YJU2: variants seen among roughly 807,000 people sequenced by gnomAD.
YJU2 encodes splicing factor YJU2.
In YJU2, 28 loss-of-function variants were observed where a neutral mutation model predicts 39.6. The observed-to-expected ratio is 0.71, with a 90% confidence interval of 0.52 to 0.97. The LOEUF (loss-of-function observed/expected upper bound fraction) is 0.97. YJU2 is among the 50% of genes least tolerant of loss of function. The probability of loss-of-function intolerance (pLI) is 0.00; values close to 1 mark genes in which losing one functional copy is unlikely to be tolerated. For missense variants in YJU2, 328 were observed against 430.4 expected (o/e 0.76, Z 2.11); for synonymous variants, 184 against 182.4 (o/e 1.01, Z -0.07).
chr19:4,247,588 T>G (rs1310965991), intron 1 of YJU2, among the ~76,000 whole-genome samples: 5 of 27,316 alleles, frequency 1.8e-4, no homozygotes, highest in African/African-American at 2.2e-4. Context: ...GGCGCGTGTG[T>G]GTGTGTGTGT....
chr19:4,251,828 A>T (rs965933477), intron 3 of YJU2, among the ~76,000 whole-genome samples: 1 of 152,034 alleles, frequency 6.6e-6, no homozygotes, highest in Admixed American at 6.6e-5. Context: ...CTCTACTAAA[A>T]ATACAAAAGT....
intron 1 of YJU2, among the ~76,000 whole-genome samples, 191 bp from the exon 2 acceptor site, chr19:4,249,037 G>A (rs1970954019): frequency 6.6e-6 from 1 of 152,134 alleles, no homozygotes; most frequent in South Asian, 2.1e-4. Flanking sequence ...AACTCCACTA[G>A]GAGAGAGTCA....
chr19:4,262,274 C>G (rs1383024281), intron 6 of YJU2, among the ~76,000 whole-genome samples, 160 bp downstream of exon 6: 2 of 152,226 alleles, frequency 1.3e-5, no homozygotes, highest in Non-Finnish European at 2.9e-5. Context: ...TCTTGGCTCA[C>G]TGCAACCTCT....
chr19:4,258,627 G>A (rs1025331725), intron 5 of YJU2, among the ~76,000 whole-genome samples: 2 of 152,236 alleles, frequency 1.3e-5, no homozygotes, highest in Non-Finnish European at 2.9e-5. Context: ...GCACGTGGTC[G>A]CCCGCATGGC....
chr19:4,249,377 C>A, intron 2 of YJU2, 49 bp downstream of exon 2: 2 of 1,218,814 alleles, frequency 1.6e-6, no homozygotes, highest in Non-Finnish European at 2.4e-6. Context: ...CTGAAGGACG[C>A]AGTGCCTGGC....
intron 3 of YJU2, among the ~76,000 whole-genome samples, chr19:4,252,958 C>T (rs1203829693): frequency 6.6e-6 from 1 of 151,574 alleles, no homozygotes; most frequent in Non-Finnish European, 1.5e-5. Flanking sequence ...TTTTGAAATA[C>T]CTGAAGATTT....
At chr19:4,251,965 C>T (rs892837035) in intron 3 of YJU2, among the ~76,000 whole-genome samples, 4 of 151,312 alleles carry the variant, frequency 2.6e-5, no homozygotes, top group African/African-American at 9.7e-5. Context: ...CCAGCCTGAG[C>T]AACGAAATGA....
intron 5 of YJU2, among the ~76,000 whole-genome samples, chr19:4,261,192 C>T (rs957995608): frequency 6.6e-6 from 1 of 152,128 alleles, no homozygotes; most frequent in African/African-American, 2.4e-5. Context: ...CCATGTCTGG[C>T]CCCAAGACAT....
At chr19:4,256,938 G>A (rs534421889) in intron 4 of YJU2, among the ~76,000 whole-genome samples, 5 of 152,312 alleles carry the variant, frequency 3.3e-5, no homozygotes, top group East Asian at 1.9e-4. Context: ...TTCCATTAGA[G>A]CAAGTAGCTT....
Position 4,258,372 on chromosome 19 carries a change from C to G in YJU2, c.536C>G (p.Ser179Trp), listed in dbSNP as rs373508102. 1.3e-6 allele frequency: 2 copies of G among 1,597,750 alleles called. No homozygotes were observed. Among genetic ancestry groups the G allele is most frequent in the Non-Finnish European group, 8.5e-7 (1 of 1,174,046 alleles). The change falls in exon 5 of 8, where the codon TCG becomes TGG. Residue 179 changes from serine to tryptophan, a missense_variant. Physicochemically the swap from Ser to Trp is radical, Grantham distance 177 (BLOSUM62 -3). Around this residue, in one of 2 missense-constraint regions of YJU2, gnomAD observed 244 missense variants for 264.6 expected, o/e 0.92. Coordinates refer to ENST00000262962, the MANE Select transcript of YJU2 (RefSeq NM_018074.6). ...FEAMLRQHRL[S>W]EEERRRQQQE... is the part of the protein sequence containing the mutation. ...GCTATGCTGAGGCAGCACCGCCTGTCGGAGGAGGAGCGGCGGAGGCAGCAG... is the reference window on the plus strand; with the variant it reads ...GCTATGCTGAGGCAGCACCGCCTGTGGGAGGAGGAGCGGCGGAGGCAGCAG...
chr19:4,252,415 A>G (rs921344774), intron 3 of YJU2, among the ~76,000 whole-genome samples: 32 of 149,680 alleles, frequency 2.1e-4, no homozygotes, highest in Admixed American at 1.9e-3. Context: ...TGGCTAACAC[A>G]GTGAAACCCC....
intron 6 of YJU2, among the ~76,000 whole-genome samples, chr19:4,263,826 AAAAG>A (rs943004221): frequency 1.3e-5 from 2 of 150,702 alleles, no homozygotes; most frequent in African/African-American, 4.9e-5. Flanking sequence ...AAAAAAAAAA[AAAAG>A]GAGGAAGGAG....
intron 4 of YJU2, among the ~76,000 whole-genome samples, chr19:4,257,977 C>A (rs1971035582): frequency 6.6e-6 from 1 of 152,224 alleles, no homozygotes; most frequent in Admixed American, 6.5e-5. Context: ...CAGAGCCAGC[C>A]TCTTTCCACC....
rs774082239 is a variant in YJU2 at position 4,267,692 on chromosome 19, G to A, written c.777G>A (p.Pro259=). ...TTGGCAGCCTGGGCAGCCGGCCCCC[G>A]CTGTCGAGGCTGGTCGTGGTGAAGA... is the stretch of plus-strand genomic sequence containing the variant. ...QSVGSLGSRP[P]LSRLVVVKKA... Residue 259 remains proline, a synonymous_variant, in exon 7 of 8, where the codon CCG becomes CCA. Transcript: ENST00000262962. 25 of 1,613,304 alleles carry A rather than the reference G, an allele frequency of 1.5e-5. No homozygotes were observed. The highest frequency in any genetic ancestry group is 1.3e-4 in the South Asian group (12 of 91,068).
chr19:4,268,734 G>C lies in YJU2; in HGVS notation c.*38G>C. Reference sequence around the variant, plus strand: ...CCCCCTCACGGGGTCAAAGTCACACGTCCAGCTTCAGCCACATTGAGGCCA... The same window carrying C: ...CCCCCTCACGGGGTCAAAGTCACACCTCCAGCTTCAGCCACATTGAGGCCA... On this transcript the variant is annotated 3_prime_UTR_variant, in exon 8 of 8. Transcript: ENST00000262962. 1 of 1,451,062 alleles carries C rather than the reference G, an allele frequency of 6.9e-7. No homozygotes were observed. The highest frequency in any genetic ancestry group is 9.6e-7 in the Non-Finnish European group (1 of 1,043,242). 89.9% of individuals were successfully genotyped at this position (1,451,062 alleles called of 1,614,324 possible). A position where few individuals can be genotyped will look rare whatever the true frequency, so the allele number is the denominator to read the frequency against.
intron 5 of YJU2, among the ~76,000 whole-genome samples, chr19:4,259,480 A>G (rs759779816): frequency 1.3e-5 from 2 of 151,882 alleles, no homozygotes; most frequent in African/African-American, 2.4e-5. Context: ...CCCGGGCTCA[A>G]GCGTTCCTCC....
intron 3 of YJU2, among the ~76,000 whole-genome samples, chr19:4,253,278 A>C (rs1467651638): frequency 1.3e-5 from 2 of 151,580 alleles, no homozygotes; most frequent in Admixed American, 1.3e-4. Flanking sequence ...GAATGTTACC[A>C]TTAACATTGT....
Position 4,268,612 on chromosome 19 carries a change from C to T in YJU2, c.888C>T (p.Asn296=). 1 of 1,613,476 alleles carries T rather than the reference C, an allele frequency of 6.2e-7. No individual in the cohort carries two copies. Among genetic ancestry groups the T allele is most frequent in the Non-Finnish European group, 8.5e-7 (1 of 1,179,724 alleles). The change falls in exon 8 of 8, where the codon AAC becomes AAT. Residue 296 remains asparagine (N), a synonymous_variant. Coordinates refer to ENST00000262962, the MANE Select transcript of YJU2 (RefSeq NM_018074.6). ...PGAPQNRKEA[N]PTPLTPGASS... is the part of the protein sequence containing the mutation. ...CCCCGCAGAACAGGAAGGAGGCCAA[C>T]CCTACACCCCTGACGCCTGGCGCGT...
At chr19:4,266,445 GC>G (rs1971115914) in intron 6 of YJU2, among the ~76,000 whole-genome samples, 1 of 152,144 alleles carries the variant, frequency 6.6e-6, no homozygotes, top group Non-Finnish European at 1.5e-5. Flanking sequence ...CCTTTGCCAA[GC>G]ACTCGCTTGG....
Sources: allele counts gnomAD v4.1 joint callset (sites outside exome capture counted in the v4.1 genomes callset), GRCh38; gene constraint gnomAD v4.1.1; regional missense constraint gnomAD v4.1.1; transcripts MANE v1.5; gene names NCBI Gene and HGNC (gene_info 2026-07-23, HGNC 2026-07-21).